Variants in TMBIM4 observed in about 807,000 individuals in gnomAD.
TMBIM4 encodes the protein protein lifeguard 4.
A neutral mutation model predicts 27.7 loss-of-function variants in TMBIM4; 28 were observed. The ratio of observed to expected loss-of-function variants is 1.01; its 90% CI spans 0.75 to 1.38. The LOEUF (loss-of-function observed/expected upper bound fraction) is 1.38, where lower values mean the gene tolerates loss of function less well. Ranked by LOEUF, TMBIM4 falls within the 40% of genes most tolerant of loss-of-function variation. The probability of loss-of-function intolerance (pLI) is 0.00; values close to 1 mark genes in which losing one functional copy is unlikely to be tolerated. For missense variants in TMBIM4, 265 were observed against 277.5 expected, an observed-to-expected ratio of 0.95 and a Z score of 0.32; for synonymous variants, 115 against 113.1, an observed-to-expected ratio of 1.02 and a Z score of -0.11.
chr12:66,158,707 C>T (rs2051988285), intron 1 of TMBIM4, among the ~76,000 whole-genome samples: 1 of 151,914 alleles, frequency 6.6e-6, no homozygotes, highest in African/African-American at 2.4e-5. Flanking sequence ...TGTCACTCAG[C>T]AGTCTCAGCC....
chr12:66,161,583 C>T (rs977682379), intron 1 of TMBIM4, among the ~76,000 whole-genome samples: 5 of 152,156 alleles, frequency 3.3e-5, no homozygotes, highest in African/African-American at 4.8e-5. Context: ...TAAGTAGTAA[C>T]GCACCGAAGA....
rs1268422023 is a variant in TMBIM4, at chr12:66,137,224, A to T, written c.*736T>A. 2.0e-5 allele frequency: 3 copies of T among 152,196 alleles called. No homozygotes were observed. Among genetic ancestry groups the T allele is most frequent in the Non-Finnish European group, 4.4e-5 (3 of 68,032 alleles). The allele number at this position is 152,196 out of a possible 1,614,324, so 9.4% of individuals were successfully genotyped here. ...TTAAGCAAAAAGAGATTTACAGTTT[A>T]TAATGGTAAAGACTCTACTACTTCA... On this transcript the variant is annotated 3_prime_UTR_variant, in exon 7 of 7. Transcript: ENST00000358230.
intron 1 of TMBIM4, chr12:66,168,984 C>T (rs1478996220): frequency 1.3e-5 from 3 of 227,182 alleles, no homozygotes; most frequent in African/African-American, 6.9e-5. Flanking sequence ...TTTCAAAATT[C>T]AATTCCAAAA....
At chr12:66,159,052 G>A (rs1301982001) in intron 1 of TMBIM4, among the ~76,000 whole-genome samples, 1 of 152,154 alleles carries the variant, frequency 6.6e-6, no homozygotes, top group African/African-American at 2.4e-5. Flanking sequence ...GCATATAGAA[G>A]ACAAATAATT....
At chr12:66,155,360 G>GAGAGAGAGAGAGAGAGA (rs59460611) in intron 1 of TMBIM4, among the ~76,000 whole-genome samples, 54 of 150,100 alleles carry the variant, frequency 3.6e-4, no homozygotes, top group Non-Finnish European at 4.6e-4. Context: ...GAGAGAGAGA[G>GAGAGAGAGAGAGAGAGA]GCAGGGTCTC....
intron 1 of TMBIM4, among the ~76,000 whole-genome samples, chr12:66,165,582 C>T (rs2052112605): frequency 6.6e-6 from 1 of 152,082 alleles, no homozygotes; most frequent in African/African-American, 2.4e-5. Flanking sequence ...TGCACCCAAC[C>T]TTGTGAATCT....
At chr12:66,169,445 A>C (rs2052195284) in intron 1 of TMBIM4, 4 of 514,692 alleles carry the variant, frequency 7.8e-6, no homozygotes, top group Non-Finnish European at 1.4e-5. Flanking sequence ...CAGAACAAAA[A>C]CATCAGGCCG....
At position 66,153,324 on chromosome 12, in the gene TMBIM4, C is replaced by A. The variant is rs764457606; in HGVS notation, c.206+16G>T. On this transcript the variant is annotated intron_variant, in intron 2 of 6. Coordinates refer to ENST00000358230, the MANE Select transcript of TMBIM4 (RefSeq NM_016056.4). ...GCAATGTCTGAAAATTATTCATTAC[C>A]ATCTCATTACCTTACCTCTCATGTA... 1.5e-6 allele frequency: 2 copies of A among 1,368,598 alleles called. No homozygotes were observed. Among genetic ancestry groups the A allele is most frequent in the South Asian group, 2.5e-5 (2 of 78,622 alleles). 84.8% of individuals were successfully genotyped at this position (1,368,598 alleles called of 1,614,324 possible). A position where few individuals can be genotyped will look rare whatever the true frequency, so the allele number is the denominator to read the frequency against.
At chr12:66,159,742 CA>C (rs1268511634) in intron 1 of TMBIM4, among the ~76,000 whole-genome samples, 2 of 152,204 alleles carry the variant, frequency 1.3e-5, no homozygotes, top group Non-Finnish European at 2.9e-5. Flanking sequence ...AGTTTCTACT[CA>C]CACCTGTTTC....
At chr12:66,144,973 G>C (rs1170074357) in intron 5 of TMBIM4, among the ~76,000 whole-genome samples, 2 of 152,040 alleles carry the variant, frequency 1.3e-5, no homozygotes, top group Non-Finnish European at 2.9e-5. Context: ...TTGGAGATTG[G>C]GTTGAGAAGA....
chr12:66,146,460 T>C (rs2051753690), intron 4 of TMBIM4, among the ~76,000 whole-genome samples: 1 of 152,162 alleles, frequency 6.6e-6, no homozygotes, highest in Admixed American at 6.5e-5. Context: ...AAGAAAAATA[T>C]TGGGGCTGTC....
Position 66,156,102 on chromosome 12 carries a change from T to C in TMBIM4, c.98-2654A>G, listed in dbSNP as rs539667962. 2.6e-5 allele frequency among the ~76,000 whole-genome samples: 4 copies of C among 152,294 alleles called. No homozygotes were observed. The South Asian group carries it at 6.2e-4, about 24-fold the overall frequency. The stretch of plus-strand genomic sequence containing the variant: ...CAGGCAAAAGCAGTATTGACACCCA[T>C]TGTGAATAATATAAAAAGTAGCAAA... On this transcript the variant is annotated intron_variant, in intron 1 of 6. Coordinates refer to ENST00000358230, the MANE Select transcript of TMBIM4 (RefSeq NM_016056.4).
chr12:66,139,456 G>A (rs930260085), intron 5 of TMBIM4, among the ~76,000 whole-genome samples: 2 of 152,260 alleles, frequency 1.3e-5, no homozygotes, highest in African/African-American at 4.8e-5. Context: ...TTGGACACTG[G>A]ACAGCAAACA....
intron 1 of TMBIM4, chr12:66,168,672 A>G (rs552458976): frequency 8.4e-4 from 128 of 152,184 alleles, no homozygotes; most frequent in African/African-American, 3.0e-3. Context: ...CCTCACTTCT[A>G]TTTTCTGTAC....
rs889219035 is a variant in TMBIM4, at chr12:66,137,006, T to C, written c.*954A>G. On this transcript the variant is annotated 3_prime_UTR_variant, in exon 7 of 7. Transcript: ENST00000358230. ...TGATGACCCAGTATCTTTGGTGTCCTCTAACCACATTACCATTCTATAATT... is the reference window on the plus strand; with the variant it reads ...TGATGACCCAGTATCTTTGGTGTCCCCTAACCACATTACCATTCTATAATT... 1 of 152,226 alleles carries C rather than the reference T, an allele frequency of 6.6e-6. No individual in the cohort carries two copies. The highest frequency in any genetic ancestry group is 1.9e-4 in the East Asian group (1 of 5,198). 9.4% of individuals were successfully genotyped at this position (152,226 alleles called of 1,614,324 possible).
In TMBIM4 at chr12:66,141,077, C is replaced by T. The variant is rs1056767684; in HGVS notation, c.465-2308G>A. Among the ~76,000 whole-genome samples the T allele has an allele frequency of 2.6e-5, 4 of 151,880 alleles. No individual in the cohort carries two copies. In the East Asian group the frequency reaches 7.7e-4, roughly 29 times the overall value. On this transcript the variant is annotated intron_variant, in intron 5 of 6. Coordinates refer to ENST00000358230, the MANE Select transcript of TMBIM4 (RefSeq NM_016056.4). ...AATAAAGACAAAGGTTTTTTTCAGACACAAAAGATGACCAACAGACAATAA... is the reference window on the plus strand; with the variant it reads ...AATAAAGACAAAGGTTTTTTTCAGATACAAAAGATGACCAACAGACAATAA...
At chr12:66,158,070 C>T (rs531358153) in intron 1 of TMBIM4, among the ~76,000 whole-genome samples, 1 of 151,488 alleles carries the variant, frequency 6.6e-6, no homozygotes, top group East Asian at 2.0e-4. Context: ...ACTAAAAGTA[C>T]AAAAACTTAG....
rs1376039096 is a variant in TMBIM4, at chr12:66,138,011, G to A, written c.666C>T (p.Ile222=). The change falls in exon 7 of 7, where the codon ATC becomes ATT. Residue 222 remains isoleucine (I), a synonymous_variant. Coordinates refer to ENST00000358230, the MANE Select transcript of TMBIM4 (RefSeq NM_016056.4). ...ACCGTAACAGGTGCAGGAATAGATT[G>A]ATGATATCCAAGTAGAGGCTGATGG... ...LAAISLYLDI[I]NLFLHLLRFL... is the part of the protein sequence containing the mutation. 8.1e-6 allele frequency: 13 copies of A among 1,614,042 alleles called. No individual in the cohort carries two copies. The highest frequency in any genetic ancestry group is 1.1e-5 in the South Asian group (1 of 91,072).
chr12:66,152,459 T>C, intron 2 of TMBIM4, 83 bp from the exon 3 acceptor site: 1 of 879,056 alleles, frequency 1.1e-6, no homozygotes, highest in Non-Finnish European at 1.7e-6. Flanking sequence ...ATTTATCTAT[T>C]TTATATGTTT....
Sources: gnomAD v4.1 joint callset for allele counts (sites outside exome capture counted in the v4.1 genomes callset) on GRCh38, gnomAD v4.1.1 for gene constraint, MANE v1.5 for transcripts, NCBI Gene and HGNC (gene_info 2026-07-23, HGNC 2026-07-21) for gene names.